SMIM35: variants seen among roughly 807,000 people sequenced by gnomAD.
SMIM35 encodes the protein small integral membrane protein 35.
chr11:118,038,141 G>T (rs1244035794), intron 1 of SMIM35, among the ~76,000 whole-genome samples: 1 of 152,222 alleles, frequency 6.6e-6, no homozygotes, highest in African/African-American at 2.4e-5. Context: ...GCAGTGAAAA[G>T]TCGTGTGTCA....
At chr11:118,049,586 T>C (rs1944176977) in intron 1 of SMIM35, among the ~76,000 whole-genome samples, 1 of 151,960 alleles carries the variant, frequency 6.6e-6, no homozygotes, top group South Asian at 2.1e-4. Flanking sequence ...TGACCTCAGG[T>C]GACCCACCCA....
intron 1 of SMIM35, among the ~76,000 whole-genome samples, chr11:118,054,057 T>C (rs1944267789): frequency 6.6e-6 from 1 of 152,210 alleles, no homozygotes; most frequent in Non-Finnish European, 1.5e-5. Flanking sequence ...CTATGCTAGG[T>C]ATTTCATCTT....
At chr11:118,079,254 C>A (rs1944941197) in intron 1 of SMIM35, among the ~76,000 whole-genome samples, 1 of 152,108 alleles carries the variant, frequency 6.6e-6, no homozygotes, top group Non-Finnish European at 1.5e-5. Flanking sequence ...AGCTCCCAGC[C>A]CTGAGGGGAG....
At chr11:118,042,118 G>A (rs1331165676) in intron 1 of SMIM35, among the ~76,000 whole-genome samples, 2 of 92,048 alleles carry the variant, frequency 2.2e-5, no homozygotes. Flanking sequence ...GCAGAAGAAA[G>A]GAAATAAAGC....
At chr11:118,072,517 C>T (rs1944587755) in intron 1 of SMIM35, among the ~76,000 whole-genome samples, 1 of 152,080 alleles carries the variant, frequency 6.6e-6, no homozygotes, top group Admixed American at 6.6e-5. Context: ...ATTGATATAT[C>T]ATCCTACAAA....
At position 118,063,713 on chromosome 11, in the gene SMIM35, G is replaced by A. The variant is rs369547820; in HGVS notation, c.7+23038C>T. On this transcript the variant is annotated intron_variant, in intron 1 of 4. Transcript: ENST00000689828. ...AGGGTAAGTTGATCACCAATGGCCC[G>A]TGGCTTAATTAATCATGCTTATGTA... is the stretch of plus-strand genomic sequence containing the variant. 1.1e-4 allele frequency among the ~76,000 whole-genome samples: 16 copies of A among 152,118 alleles called. No homozygotes were observed. In the East Asian group the frequency reaches 1.2e-3, roughly 11 times the overall value.
At position 118,043,898 on chromosome 11, in the gene SMIM35, G is replaced by GT. The variant is rs1297851230; in HGVS notation, c.8-28090dup. Among the ~76,000 whole-genome samples, 56 of 147,594 alleles carry GT rather than the reference G, an allele frequency of 3.8e-4. No individual in the cohort carries two copies. The East Asian group carries it at 6.3e-3, about 17-fold the overall frequency. ...GGGTTATCTTAGCTAAAGGGTATGG[G>GT]TTTTTTTTTTAGGCGATGAAAATGT... On this transcript the variant is annotated intron_variant, in intron 1 of 4. Transcript: ENST00000689828.
chr11:118,022,347 C>A (rs1428465537), intron 1 of SMIM35, among the ~76,000 whole-genome samples: 1 of 152,066 alleles, frequency 6.6e-6, no homozygotes, highest in Non-Finnish European at 1.5e-5. Context: ...CCGCCCCTGG[C>A]CCAACAATAA....
chr11:118,023,853 T>G (rs1035121585), intron 1 of SMIM35, among the ~76,000 whole-genome samples: 2 of 151,778 alleles, frequency 1.3e-5, no homozygotes, highest in African/African-American at 2.4e-5. Context: ...GCCAAAATAG[T>G]GAAACACCAT....
intron 1 of SMIM35, among the ~76,000 whole-genome samples, chr11:118,041,237 T>G (rs1943995277): frequency 6.6e-6 from 1 of 152,150 alleles, no homozygotes; most frequent in African/African-American, 2.4e-5. Context: ...AAAATTCCAC[T>G]TTTAATATTG....
chr11:118,041,605 T>TG (rs1944001684), intron 1 of SMIM35, among the ~76,000 whole-genome samples: 2 of 151,990 alleles, frequency 1.3e-5, no homozygotes, highest in Admixed American at 6.6e-5. Flanking sequence ...TTAAAAAACT[T>TG]GGAGATGAAT....
At chr11:118,043,697 C>A (rs1944041984) in intron 1 of SMIM35, among the ~76,000 whole-genome samples, 1 of 151,590 alleles carries the variant, frequency 6.6e-6, no homozygotes, top group Non-Finnish European at 1.5e-5. Flanking sequence ...GTAGTCCCAG[C>A]TACTCGGGAG....
chr11:118,022,344 T>C (rs1287305547), intron 1 of SMIM35, among the ~76,000 whole-genome samples: 1 of 151,766 alleles, frequency 6.6e-6, no homozygotes, highest in East Asian at 1.9e-4. Flanking sequence ...CCACCGCCCC[T>C]GGCCCAACAA....
chr11:118,049,499 C>A (rs1311250201), intron 1 of SMIM35, among the ~76,000 whole-genome samples: 1 of 151,820 alleles, frequency 6.6e-6, no homozygotes, highest in Non-Finnish European at 1.5e-5. Flanking sequence ...CAGGCACACA[C>A]CACCACGCCC....
chr11:118,058,247 C>T (rs1783846), intron 1 of SMIM35, among the ~76,000 whole-genome samples: 2 of 152,018 alleles, frequency 1.3e-5, no homozygotes, highest in African/African-American at 4.8e-5. Flanking sequence ...CTGCCACACA[C>T]CTCTCAGGAC....
chr11:118,007,151 G>A (rs546225618), intron 4 of SMIM35, among the ~76,000 whole-genome samples: 1 of 151,058 alleles, frequency 6.6e-6, no homozygotes, highest in Non-Finnish European at 1.5e-5. Context: ...GAGTCCATCT[G>A]GAGGGAGAAG....
chr11:118,084,238 G>A (rs1294702483), intron 1 of SMIM35, among the ~76,000 whole-genome samples: 4 of 152,104 alleles, frequency 2.6e-5, no homozygotes, highest in African/African-American at 9.7e-5. Context: ...GAGCAAACAG[G>A]ATTCAGACCT....
chr11:118,076,855 T>C (rs1164397438), intron 1 of SMIM35, among the ~76,000 whole-genome samples: 5 of 152,126 alleles, frequency 3.3e-5, no homozygotes, highest in Admixed American at 1.3e-4. Flanking sequence ...ACTTCTGGCA[T>C]CACCCTCAGC....
intron 1 of SMIM35, among the ~76,000 whole-genome samples, chr11:118,051,762 TCACCTCTACAGTGA>T (rs1322442525): frequency 3.9e-5 from 6 of 152,216 alleles, no homozygotes; most frequent in Non-Finnish European, 8.8e-5. Context: ...ATCTGTGGTT[TCACCTCTACAGTGA>T]CACATTTTCC....
Sources: gnomAD v4.1 joint callset for allele counts (sites outside exome capture counted in the v4.1 genomes callset) on GRCh38, gnomAD v4.1.1 for gene constraint, MANE v1.5 for transcripts, NCBI Gene and HGNC (gene_info 2026-07-23, HGNC 2026-07-21) for gene names.